APOO: variants seen among roughly 807,000 people sequenced by gnomAD.
The protein encoded by APOO is apolipoprotein O.
APOO carries 11 observed loss-of-function variants against 23.1 expected under a neutral mutation model. That is an observed-to-expected ratio of 0.48 (90% CI 0.30 to 0.79). APOO has a LOEUF of 0.79. APOO is among the 30% of genes least tolerant of loss of function. The pLI is 0.07. For missense variants in APOO, 160 were observed against 142.7 expected (o/e 1.12, Z -0.62); for synonymous variants, 59 against 54.8 (o/e 1.08, Z -0.34).
At chrX:23,838,580 C>CT (rs1210311671) in intron 8 of APOO, among the ~76,000 whole-genome samples, 94 of 97,926 alleles carry the variant, frequency 9.6e-4, no homozygotes, top group Middle Eastern at 0.01. Context: ...CCATGCCTGG[C>CT]TTTTTTTTTT....
At chrX:23,895,648 G>A (rs1390707616) in intron 1 of APOO, among the ~76,000 whole-genome samples, 2 of 110,476 alleles carry the variant, frequency 1.8e-5, no homozygotes, top group Non-Finnish European at 3.8e-5. Flanking sequence ...CCAGGACTTA[G>A]AGTAAAATAG....
At chrX:23,863,610 C>A (rs1925198319) in intron 5 of APOO, among the ~76,000 whole-genome samples, 1 of 111,217 alleles carries the variant, frequency 9.0e-6, no homozygotes, top group Non-Finnish European at 1.9e-5. Context: ...CATGGAAGGT[C>A]TTGGGAAGTT....
At chrX:23,875,506 C>T in intron 3 of APOO, among the ~76,000 whole-genome samples, 1 of 105,019 alleles carries the variant, frequency 9.5e-6, no homozygotes, top group Non-Finnish European at 2.0e-5. Context: ...GCAACCTCCG[C>T]CTCCTGGATT....
At chrX:23,874,891 G>T (rs1219496286) in intron 3 of APOO, among the ~76,000 whole-genome samples, 1 of 112,012 alleles carries the variant, frequency 8.9e-6, no homozygotes, top group African/African-American at 3.2e-5. Context: ...AGAATGACCA[G>T]CTTTAATGAG....
At position 23,868,574 on chromosome X, in the gene APOO, G is replaced by C. The variant is rs6526354; in HGVS notation, c.388+19C>G. ...TCTGCTTTATGAGCTGACTGTTAAA[G>C]CCATAAAATTGCACCTACCTCTAGC... is the stretch of plus-strand genomic sequence containing the variant. On this transcript the variant is annotated intron_variant, in intron 5 of 8. Coordinates refer to ENST00000379226, the MANE Select transcript of APOO (RefSeq NM_024122.5). 0.35 allele frequency: 406,129 copies of C among 1,166,744 alleles called. 53,590 individuals carry two copies. The highest frequency in any genetic ancestry group is 0.76 in the South Asian group (41,524 of 54,994).
intron 1 of APOO, among the ~76,000 whole-genome samples, chrX:23,905,136 C>A (rs1292657107): frequency 1.8e-5 from 2 of 109,762 alleles, no homozygotes; most frequent in African/African-American, 6.6e-5. Flanking sequence ...CACCTGTAAT[C>A]CCAGCACTTT....
At chrX:23,862,021 C>G (rs1925071919) in intron 5 of APOO, among the ~76,000 whole-genome samples, 1 of 109,882 alleles carries the variant, frequency 9.1e-6, no homozygotes, top group Non-Finnish European at 1.9e-5. Flanking sequence ...CCAGGCTGGT[C>G]TTGAACTCCT....
chrX:23,858,148 C>T (rs1299669574), intron 6 of APOO, among the ~76,000 whole-genome samples: 1 of 110,407 alleles, frequency 9.1e-6, no homozygotes, highest in Non-Finnish European at 1.9e-5. Context: ...AAAGGAGCAG[C>T]CAACTGAAAG....
intron 5 of APOO, among the ~76,000 whole-genome samples, chrX:23,862,412 T>G (rs890015344): frequency 1.8e-5 from 2 of 110,111 alleles, no homozygotes; most frequent in African/African-American, 3.3e-5. Flanking sequence ...ACACATAGGG[T>G]CCTTTTAAAT....
intron 7 of APOO, among the ~76,000 whole-genome samples, chrX:23,846,575 CGCACCACT>C (rs772479890): frequency 1.0e-5 from 1 of 98,948 alleles, no homozygotes; most frequent in African/African-American, 3.8e-5. Context: ...TGAACGCGAT[CGCACCACT>C]GCACCACTGC....
intron 1 of APOO, among the ~76,000 whole-genome samples, chrX:23,884,619 A>G (rs1569241062): frequency 8.9e-6 from 1 of 111,766 alleles, no homozygotes; most frequent in Admixed American, 9.6e-5. Context: ...AGAGAGCACA[A>G]TGGTGGCTAC....
intron 1 of APOO, among the ~76,000 whole-genome samples, chrX:23,885,944 T>C (rs1926352258): frequency 9.0e-6 from 1 of 111,645 alleles, no homozygotes; most frequent in Non-Finnish European, 1.9e-5. Context: ...AGGACCATAA[T>C]TCTTAGTTTG....
intron 1 of APOO, among the ~76,000 whole-genome samples, chrX:23,887,715 T>C (rs1247989559): frequency 8.9e-6 from 1 of 111,834 alleles, no homozygotes; most frequent in East Asian, 2.8e-4. Flanking sequence ...TGATTAGATA[T>C]GGTCTACTTT....
At chrX:23,877,185 T>C (rs1925897828) in intron 3 of APOO, among the ~76,000 whole-genome samples, 1 of 112,129 alleles carries the variant, frequency 8.9e-6, no homozygotes, top group South Asian at 3.6e-4. Flanking sequence ...ACAGTAGTCA[T>C]GCCTACATGA....
chrX:23,849,583 T>TAAAAAAAAGAAAAAAAAAAAAAAA (rs1924428382), intron 7 of APOO, among the ~76,000 whole-genome samples: 1 of 32,604 alleles, frequency 3.1e-5, no homozygotes, highest in South Asian at 5.2e-3. Flanking sequence ...AAGAGAGACT[T>TAAAAAAAAGAAAAAAAAAAAAAAA]AAAAAAAAAA....
intron 7 of APOO, among the ~76,000 whole-genome samples, chrX:23,851,250 G>T (rs1364893489): frequency 9.1e-6 from 1 of 109,608 alleles, no homozygotes; most frequent in Non-Finnish European, 1.9e-5. Context: ...CTGGAGTGCA[G>T]TGGCGCGATC....
chrX:23,902,777 C>T (rs1293207573), intron 1 of APOO, among the ~76,000 whole-genome samples: 1 of 111,744 alleles, frequency 8.9e-6, no homozygotes, highest in East Asian at 2.8e-4. Context: ...TTACTACCAA[C>T]ACCTATACTA....
intron 1 of APOO, among the ~76,000 whole-genome samples, chrX:23,890,443 G>C (rs745769529): frequency 8.9e-6 from 1 of 112,153 alleles, no homozygotes; most frequent in African/African-American, 3.2e-5. Context: ...AGAGCTTCTA[G>C]AGTGCTAGTA....
chrX:23,848,692 T>C (rs943578658), intron 7 of APOO, among the ~76,000 whole-genome samples: 1 of 106,888 alleles, frequency 9.4e-6, no homozygotes, highest in African/African-American at 3.4e-5. Context: ...TCTTTTCTTT[T>C]TTTTTTTTTT....
Sources: allele counts gnomAD v4.1 joint callset (sites outside exome capture counted in the v4.1 genomes callset), GRCh38; gene constraint gnomAD v4.1.1; transcripts MANE v1.5; gene names NCBI Gene and HGNC (gene_info 2026-07-23, HGNC 2026-07-21).